The following GPRIN2 variants were observed in gnomAD, a reference collection of about 807,000 sequenced individuals.
GPRIN2 encodes the protein G protein regulated inducer of neurite outgrowth 2.
Under a neutral mutation model 0.3 loss-of-function variants are expected in GPRIN2, and 1 was observed. The observed-to-expected ratio is 3.90, with a 90% CI of 1.39 to 18.51. The LOEUF (loss-of-function observed/expected upper bound fraction) is 18.51, where lower values mean the gene tolerates loss of function less well. Ranked by LOEUF, GPRIN2 falls within the 30% of genes most tolerant of loss-of-function variation. The pLI is 0.11. For synonymous variants in GPRIN2, 361 were observed against 258.6 expected (o/e 1.40, Z -3.80); for missense variants, 880 against 604.2 (o/e 1.46, Z -4.79).
Position 46,543,875 on chromosome 10 carries a change from C to T in GPRIN2, c.*5485G>A, listed in dbSNP as rs1833017633. Among the ~76,000 whole-genome samples, 5,739 of 149,100 alleles carry T rather than the reference C, an allele frequency of 0.038. No homozygotes were observed. The highest frequency in any genetic ancestry group is 0.14 in the African/African-American group (5,359 of 38,572). On this transcript the variant is annotated 3_prime_UTR_variant, in exon 3 of 3. Transcript: ENST00000374314. ...GAGTGACCGCACAAGTGAGCAAAGG[C>T]GGCATTCACCCAACTCTTGGGACAA...
rs149740960 is a variant in GPRIN2 at position 46,549,724 on chromosome 10, T to C, written c.1013A>G (p.Gln338Arg). ...CTTGCAGGCCGCCACTGGGGCCGCCTGCACACCAGCATCCTGGGCTGACAG... is the reference window on the plus strand; with the variant it reads ...CTTGCAGGCCGCCACTGGGGCCGCCCGCACACCAGCATCCTGGGCTGACAG... ...SPLSAQDAGVQAAPVAACKAV... is the reference protein window; with the variant it reads ...SPLSAQDAGVRAAPVAACKAV... The change falls in exon 3 of 3, where the codon CAG becomes CGG. Residue 338 changes from glutamine (Q) to arginine (R), a missense_variant. Transcript: ENST00000374314. 3.7e-5 allele frequency: 59 copies of C among 1,614,084 alleles called. No individual in the cohort carries two copies. In the African/African-American group the frequency reaches 5.9e-4, roughly 16 times the overall value.
chr10:46,550,675 A>G lies in GPRIN2; in HGVS notation c.62T>C (p.Leu21Pro). The part of the protein sequence containing the change: ...WAPLSPRLQP[L>P]SQSSSSLLGE... Reference sequence around the variant, plus strand: ...CAGCAGGCTGGAAGAGCTCTGGGACAGGGGCTGAAGGCGGGGGCTCAGGGG... The same window carrying G: ...CAGCAGGCTGGAAGAGCTCTGGGACGGGGGCTGAAGGCGGGGGCTCAGGGG... The change falls in exon 3 of 3, where the codon CTG becomes CCG. Residue 21 changes from leucine to proline, a missense_variant. Physicochemically the swap from Leu to Pro is moderately conservative, Grantham distance 98 (BLOSUM62 -3). Coordinates refer to ENST00000374314, the MANE Select transcript of GPRIN2 (RefSeq NM_001385282.1). The G allele has an allele frequency of 6.6e-7, 1 of 1,520,292 alleles. No homozygotes were observed. Among genetic ancestry groups the G allele is most frequent in the Non-Finnish European group, 8.8e-7 (1 of 1,136,952 alleles). 94.2% of individuals were successfully genotyped at this position (1,520,292 alleles called of 1,614,324 possible).
chr10:46,557,442 C>T (rs1443188046), upstream of GPRIN2, among the ~76,000 whole-genome samples: 1 of 152,308 alleles, frequency 6.6e-6, no homozygotes, highest in African/African-American at 2.4e-5. Context: ...AATCTACCAC[C>T]CCTTTCCCTG....
At chr10:46,556,679 G>C (rs1368321648), upstream of GPRIN2, among the ~76,000 whole-genome samples, 1 of 152,182 alleles carries the variant, frequency 6.6e-6, no homozygotes, top group African/African-American at 2.4e-5. Context: ...CAGCGGGGCA[G>C]CTGGCACCGG....
rs1832917830 is a variant in GPRIN2, at chr10:46,546,043, C to T, written c.*3317G>A. ...CAGCCCTTGTAAAGTTAGGATCTAG[C>T]ATGTCTAAGGGGACAGAGACCCAAT... On this transcript the variant is annotated 3_prime_UTR_variant, in exon 3 of 3. Transcript: ENST00000374314. 2.0e-3 allele frequency among the ~76,000 whole-genome samples: 302 copies of T among 151,072 alleles called. No individual in the cohort carries two copies. The highest frequency in any genetic ancestry group is 7.1e-3 in the African/African-American group (286 of 40,330).
At chr10:46,552,069 G>A (rs868982587) in intron 2 of GPRIN2, among the ~76,000 whole-genome samples, 1 of 152,312 alleles carries the variant, frequency 6.6e-6, no homozygotes, top group Non-Finnish European at 1.5e-5. Context: ...CCAAAAATGG[G>A]GTCTGAGGGA....
rs149433440 is a variant in GPRIN2, at chr10:46,549,535, T to C, written c.1202A>G (p.Glu401Gly). 6.6e-5 allele frequency: 107 copies of C among 1,613,492 alleles called. No individual in the cohort carries two copies. The African/African-American group carries it at 1.3e-3, about 20-fold the overall frequency. Reference protein sequence around the residue: ...WEVYGAAVDLEVLGVAIQKHL... With the variant: ...WEVYGAAVDLGVLGVAIQKHL... ...CTTCTGGATGGCCACACCGAGCACC[T>C]CCAGGTCCACCGCAGCTCCGTACAC... The change falls in exon 3 of 3, where the codon GAG becomes GGG. Residue 401 changes from glutamate (E) to glycine (G), a missense_variant. Physicochemically the swap from Glu to Gly is moderately conservative, Grantham distance 98. Coordinates refer to ENST00000374314, the MANE Select transcript of GPRIN2 (RefSeq NM_001385282.1).
chr10:46,552,685 C>G (rs1444840347), intron 2 of GPRIN2, among the ~76,000 whole-genome samples: 2 of 152,308 alleles, frequency 1.3e-5, no homozygotes, highest in Admixed American at 6.5e-5. Flanking sequence ...ATGTGGGTAC[C>G]AAGCACTCAG....
rs1266282720 is a variant in GPRIN2 at position 46,548,571 on chromosome 10, A to T, written c.*789T>A. ...AGCCTGGCAGCCCTCCGTAATGGTC[A>T]GCATCCTCCCCTGCCATCCCCAACC... On this transcript the variant is annotated 3_prime_UTR_variant, in exon 3 of 3. Coordinates refer to ENST00000374314, the MANE Select transcript of GPRIN2 (RefSeq NM_001385282.1). Among the ~76,000 whole-genome samples the T allele has an allele frequency of 1.3e-5, 2 of 152,310 alleles. No individual in the cohort carries two copies.
rs1832758826 is a variant in GPRIN2, at chr10:46,549,236, A to G, written c.*124T>C. The G allele has an allele frequency of 0.89, 1,115,656 of 1,257,512 alleles. 486,917 individuals are homozygous for G. Among genetic ancestry groups the G allele is most frequent in the East Asian group, 0.96 (34,838 of 36,230 alleles). 77.9% of individuals were successfully genotyped at this position (1,257,512 alleles called of 1,614,324 possible). A position where few individuals can be genotyped will look rare whatever the true frequency, so the allele number is the denominator to read the frequency against. ...GCAGTCCTGTGGTCTGGAGGCAGCC[A>G]ATATTCAGGTGAGAGATGTGCCCAG... On this transcript the variant is annotated 3_prime_UTR_variant, in exon 3 of 3. Coordinates refer to ENST00000374314, the MANE Select transcript of GPRIN2 (RefSeq NM_001385282.1).
chr10:46,550,670 G>A lies in GPRIN2; in HGVS notation c.67C>T (p.Gln23Ter). Residue 23 changes from glutamine (Q) to a stop codon, truncating the protein, a stop_gained, in exon 3 of 3, where the codon CAG (glutamine) becomes TAG (stop). Coordinates refer to ENST00000374314, the MANE Select transcript of GPRIN2 (RefSeq NM_001385282.1). LOFTEE classifies it low-confidence loss of function (END_TRUNC). ...PLSPRLQPLS[Q>*]SSSSLLGEGR... ...TCACCCAGCAGGCTGGAAGAGCTCTGGGACAGGGGCTGAAGGCGGGGGCTC... is the reference window on the plus strand; with the variant it reads ...TCACCCAGCAGGCTGGAAGAGCTCTAGGACAGGGGCTGAAGGCGGGGGCTC... The A allele has an allele frequency of 6.5e-7, 1 of 1,533,486 alleles. No individual in the cohort carries two copies. The highest frequency in any genetic ancestry group is 2.3e-5 in the East Asian group (1 of 43,850). 95.0% of individuals were successfully genotyped at this position (1,533,486 alleles called of 1,614,324 possible). A position where few individuals can be genotyped will look rare whatever the true frequency, so the allele number is the denominator to read the frequency against.
rs1832751033 is a variant in GPRIN2, at chr10:46,549,326, G to C, written c.*34C>G. 3 of 1,456,452 alleles carry C rather than the reference G, an allele frequency of 2.1e-6. No individual in the cohort carries two copies. The highest frequency in any genetic ancestry group is 2.4e-4 in the Middle Eastern group (1 of 4,094). The allele number at this position is 1,456,452 out of a possible 1,614,324, so 90.2% of individuals were successfully genotyped here. On this transcript the variant is annotated 3_prime_UTR_variant, in exon 3 of 3. Coordinates refer to ENST00000374314, the MANE Select transcript of GPRIN2 (RefSeq NM_001385282.1). ...CTGGCCCAGGTCTAGGACTAAGTCA[G>C]TGGGCCCAGGCCAGCTCCAAGGGCC...
chr10:46,555,689 A>G (rs1407369823), intron 1 of GPRIN2, among the ~76,000 whole-genome samples: 1 of 152,304 alleles, frequency 6.6e-6, no homozygotes, highest in East Asian at 1.9e-4. Flanking sequence ...GAAGAGGCCT[A>G]GGCGCCCAAC....
At position 46,549,474 on chromosome 10, in the gene GPRIN2, C is replaced by A. The variant is rs782458931; in HGVS notation, c.1263G>T (p.Ala421=). 2 of 1,609,816 alleles carry A rather than the reference C, an allele frequency of 1.2e-6. No individual in the cohort carries two copies. Among genetic ancestry groups the A allele is most frequent in the Non-Finnish European group, 1.7e-6 (2 of 1,178,108 alleles). The change falls in exon 3 of 3, where the codon GCG becomes GCT. Residue 421 remains alanine (A), a synonymous_variant. Coordinates refer to ENST00000374314, the MANE Select transcript of GPRIN2 (RefSeq NM_001385282.1). ...LEMQFEQLQR[A]PASEDSLSVE... ...CAGACAGGCTGTCCTCGCTGGCGGG[C>A]GCCCGCTGCAGCTGCTCAAACTGCA...
intron 2 of GPRIN2, among the ~76,000 whole-genome samples, chr10:46,553,236 T>C (rs1842813926): frequency 1.3e-5 from 2 of 152,308 alleles, no homozygotes; most frequent in African/African-American, 2.4e-5. Flanking sequence ...CCCTTTTTAC[T>C]GATCTGGCCT....
chr10:46,556,899 C>T (rs941642927), upstream of GPRIN2, among the ~76,000 whole-genome samples: 4 of 152,296 alleles, frequency 2.6e-5, no homozygotes, highest in Non-Finnish European at 1.5e-5. Context: ...CCCAGCGAAC[C>T]CCCAAGACTC....
At chr10:46,555,101 GC>G (rs1224430599) in intron 1 of GPRIN2, among the ~76,000 whole-genome samples, 1 of 152,308 alleles carries the variant, frequency 6.6e-6, no homozygotes, top group Admixed American at 6.5e-5. Context: ...GTGCACCTCG[GC>G]GCCCAGCTAA....
chr10:46,553,575 C>T (rs1210065479), intron 2 of GPRIN2, among the ~76,000 whole-genome samples: 1 of 152,304 alleles, frequency 6.6e-6, no homozygotes, highest in African/African-American at 2.4e-5. Flanking sequence ...TCCTCAGACC[C>T]CCACCAAGAC....
intron 1 of GPRIN2, among the ~76,000 whole-genome samples, chr10:46,556,153 G>A (rs1843193967): frequency 1.3e-5 from 2 of 152,310 alleles, no homozygotes; most frequent in Non-Finnish European, 2.9e-5. Flanking sequence ...GCTGGGGGCG[G>A]GGTAGGCGGC....
Sources: gnomAD v4.1 joint callset for allele counts (sites outside exome capture counted in the v4.1 genomes callset) on GRCh38, gnomAD v4.1.1 for gene constraint, MANE v1.5 for transcripts, NCBI Gene and HGNC (gene_info 2026-07-23, HGNC 2026-07-21) for gene names.